Variants in CNKSR2 observed in about 807,000 individuals in gnomAD.
CNKSR2 encodes the protein CNK homolog protein 2.
In CNKSR2, 14 loss-of-function variants were observed where a neutral mutation model predicts 84.4. The ratio of observed to expected loss-of-function variants is 0.17; its 90% CI spans 0.11 to 0.26. CNKSR2 has a LOEUF of 0.26. CNKSR2 is among the 10% of genes least tolerant of loss of function. CNKSR2 has a pLI of 1.00. For synonymous variants in CNKSR2, 275 were observed against 277.9 expected (o/e 0.99, Z 0.10); for missense variants, 485 against 771.2 (o/e 0.63, Z 4.40).
In CNKSR2 at chrX:21,588,235, G is replaced by A. The variant is rs773315435; in HGVS notation, c.1609-2337G>A. On this transcript the variant is annotated intron_variant, in intron 13 of 21. Coordinates refer to ENST00000379510, the MANE Select transcript of CNKSR2 (RefSeq NM_014927.5). ...CAAAATAATCTTATCATTTAGGGAA[G>A]CTTCTTATCAGTATAGGGAACTGTT... 4.5e-5 allele frequency among the ~76,000 whole-genome samples: 5 copies of A among 112,060 alleles called. No homozygotes were observed. The South Asian group carries it at 1.8e-3, about 41-fold the overall frequency.
At chrX:21,536,413 C>T (rs967802936) in intron 11 of CNKSR2, among the ~76,000 whole-genome samples, 17 of 110,591 alleles carry the variant, frequency 1.5e-4, no homozygotes, top group East Asian at 8.5e-4. Flanking sequence ...ACTATTTTTT[C>T]GGATAGTTTG....
intron 4 of CNKSR2, among the ~76,000 whole-genome samples, chrX:21,451,487 G>C (rs1455700021): frequency 9.1e-6 from 1 of 109,803 alleles, no homozygotes; most frequent in Non-Finnish European, 1.9e-5. Flanking sequence ...AGAAAATGTG[G>C]CACATATACA....
intron 17 of CNKSR2, 82 bp downstream of exon 17, chrX:21,595,477 A>T: frequency 1.8e-6 from 1 of 561,385 alleles, no homozygotes; most frequent in Non-Finnish European, 2.9e-6. Context: ...GAATAATGTC[A>T]CTGAAGTTTC....
Position 21,531,983 on chromosome X carries a change from G to A in CNKSR2, c.1219G>A (p.Glu407Lys), listed in dbSNP as rs2091890198. 6 of 1,202,273 alleles carry A rather than the reference G, an allele frequency of 5.0e-6. No individual in the cohort carries two copies. The highest frequency in any genetic ancestry group is 6.8e-6 in the Non-Finnish European group (6 of 887,818). ...ATATCGAAAGAGATTTAATATTGTC[G>A]AAGAAGATACTGTCTTATATTGCTA... Reference protein sequence around the residue: ...QEYRKRFNIVEEDTVLYCYEY... With the variant: ...QEYRKRFNIVKEDTVLYCYEY... The change falls in exon 11 of 22, where the codon GAA becomes AAA. Residue 407 changes from glutamate to lysine, a missense_variant. Glu to Lys is a moderately conservative substitution (Grantham distance 56, BLOSUM62 1). Coordinates refer to ENST00000379510, the MANE Select transcript of CNKSR2 (RefSeq NM_014927.5).
chrX:21,400,149 A>G (rs750567835), intron 1 of CNKSR2, among the ~76,000 whole-genome samples: 1 of 111,555 alleles, frequency 9.0e-6, no homozygotes, highest in South Asian at 3.7e-4. Context: ...TTAATACTGT[A>G]ATTGAAGTTC....
chrX:21,569,884 A>T (rs1305878101), intron 13 of CNKSR2, among the ~76,000 whole-genome samples: 1 of 112,327 alleles, frequency 8.9e-6, no homozygotes, highest in African/African-American at 3.2e-5. Flanking sequence ...GTAATTTTGA[A>T]AGGAATCTTT....
intron 2 of CNKSR2, chrX:21,426,951 G>A (rs2090573254): frequency 7.1e-6 from 2 of 282,930 alleles, no homozygotes; most frequent in African/African-American, 5.7e-5. Flanking sequence ...AACCACTCAT[G>A]TGCTAGGCTC....
At chrX:21,467,646 T>G (rs2091145514) in intron 4 of CNKSR2, among the ~76,000 whole-genome samples, 1 of 111,980 alleles carries the variant, frequency 8.9e-6, no homozygotes, top group Admixed American at 9.5e-5. Context: ...TATTTAAATT[T>G]ATTTTACAAT....
intron 21 of CNKSR2, among the ~76,000 whole-genome samples, chrX:21,650,257 G>A (rs1471817396): frequency 9.0e-6 from 1 of 110,905 alleles, no homozygotes; most frequent in Non-Finnish European, 1.9e-5. Flanking sequence ...AAAAAAGGAT[G>A]AGTTCATGTC....
chrX:21,490,373 C>A, intron 5 of CNKSR2, 86 bp from the exon 6 acceptor site: 1 of 929,346 alleles, frequency 1.1e-6, no homozygotes, highest in Non-Finnish European at 1.5e-6. Context: ...TTTATTTTTC[C>A]TTATGAAAAC....
intron 1 of CNKSR2, among the ~76,000 whole-genome samples, chrX:21,410,063 T>G (rs1422816712): frequency 2.7e-5 from 3 of 109,650 alleles, no homozygotes; most frequent in African/African-American, 1.0e-4. Flanking sequence ...TGTGTGTGTG[T>G]GTATAACCAA....
chrX:21,492,347 T>TAGAAG (rs1304392463), intron 6 of CNKSR2: 1 of 111,218 alleles, frequency 9.0e-6, no homozygotes, highest in African/African-American at 3.3e-5. Flanking sequence ...AGGAGAGAGC[T>TAGAAG]AGAAGAGAAA....
chrX:21,576,710 A>T (rs977551918), intron 13 of CNKSR2, among the ~76,000 whole-genome samples: 2 of 111,777 alleles, frequency 1.8e-5, no homozygotes, highest in African/African-American at 6.5e-5. Context: ...ATACTAAAGA[A>T]ATACAACTCT....
chrX:21,400,889 G>A (rs1357989753), intron 1 of CNKSR2, among the ~76,000 whole-genome samples: 1 of 111,215 alleles, frequency 9.0e-6, no homozygotes, highest in Non-Finnish European at 1.9e-5. Flanking sequence ...TTATGTGTGG[G>A]CTGAAAGGGC....
At chrX:21,409,285 T>G (rs2090311304) in intron 1 of CNKSR2, among the ~76,000 whole-genome samples, 1 of 88,431 alleles carries the variant, frequency 1.1e-5, no homozygotes, top group Admixed American at 1.3e-4. Context: ...TATATGTCTG[T>G]CAGACTGTTT....
chrX:21,568,595 G>A (rs1448132025), intron 13 of CNKSR2, among the ~76,000 whole-genome samples: 2 of 111,282 alleles, frequency 1.8e-5, no homozygotes, highest in African/African-American at 6.5e-5. Flanking sequence ...GTGAGGTTTT[G>A]TGGCTTTTTT....
At chrX:21,389,773 T>A (rs976764835) in intron 1 of CNKSR2, among the ~76,000 whole-genome samples, 1 of 112,564 alleles carries the variant, frequency 8.9e-6, no homozygotes, top group Non-Finnish European at 1.9e-5. Context: ...CTTACCACTT[T>A]TCTTTTTTGT....
At chrX:21,391,778 T>C (rs906801901) in intron 1 of CNKSR2, among the ~76,000 whole-genome samples, 1 of 112,480 alleles carries the variant, frequency 8.9e-6, no homozygotes, top group Non-Finnish European at 1.9e-5. Flanking sequence ...GTTTTTCTTT[T>C]GTACCAGATA....
chrX:21,499,965 C>T (rs914234923), intron 7 of CNKSR2, among the ~76,000 whole-genome samples: 1 of 110,733 alleles, frequency 9.0e-6, no homozygotes, highest in Admixed American at 9.7e-5. Context: ...CCATACTTTC[C>T]TTTAAAAGGA....
Sources: allele counts gnomAD v4.1 joint callset (sites outside exome capture counted in the v4.1 genomes callset), GRCh38; gene constraint gnomAD v4.1.1; transcripts MANE v1.5; gene names NCBI Gene and HGNC (gene_info 2026-07-23, HGNC 2026-07-21).